The following FAM20A variants were observed in gnomAD, a reference collection of about 807,000 sequenced individuals.
The protein encoded by FAM20A is pseudokinase FAM20A.
Under a neutral mutation model 52.0 loss-of-function variants are expected in FAM20A, and 42 were observed. The observed-to-expected ratio is 0.81, with a 90% CI of 0.63 to 1.04. FAM20A has a LOEUF of 1.04. Ranked by LOEUF, FAM20A falls within the 50% of genes least tolerant of loss-of-function variation. The pLI, the probability that FAM20A is intolerant of heterozygous loss-of-function variation, is 0.00. For synonymous variants in FAM20A, 304 were observed against 298.9 expected, an observed-to-expected ratio of 1.02 and a Z score of -0.18; for missense variants, 742 against 712.7, an observed-to-expected ratio of 1.04 and a Z score of -0.47.
At chr17:68,539,199 A>C (rs948313159) in intron 10 of FAM20A, 138 bp downstream of exon 10, 2 of 768,152 alleles carry the variant, frequency 2.6e-6, no homozygotes, top group Non-Finnish European at 4.5e-6. Flanking sequence ...AATGTGTAGG[A>C]AATAAGGTGA....
rs1399347695 is a variant in FAM20A at position 68,540,563 on chromosome 17, T to C, written c.1219+286A>G. The C allele has an allele frequency of 5.6e-6, 3 of 532,270 alleles. No homozygotes were observed. The African/African-American group carries it at 5.7e-5, about 10-fold the overall frequency. The allele number at this position is 532,270 out of a possible 1,614,324, so 33.0% of individuals were successfully genotyped here. On this transcript the variant is annotated intron_variant, in intron 8 of 10. Transcript: ENST00000592554. ...CCTTCCTACCTGGTTTCCCCTCACT[T>C]GGTGAAGTGAACATACAGCTTCCAA...
At chr17:68,564,134 CAT>C (rs1208468052) in intron 1 of FAM20A, among the ~76,000 whole-genome samples, 1 of 134,474 alleles carries the variant, frequency 7.4e-6, no homozygotes, top group African/African-American at 3.1e-5. Context: ...CACGATGTCT[CAT>C]GTGATCCTGC....
chr17:68,544,079 AG>A (rs1372012355), intron 4 of FAM20A, among the ~76,000 whole-genome samples: 1 of 152,222 alleles, frequency 6.6e-6, no homozygotes, highest in African/African-American at 2.4e-5. Context: ...AATGGTTAGC[AG>A]AACCAGAGGT....
At chr17:68,581,350 T>TTTTTTCTC (rs1347976030) in intron 1 of FAM20A, among the ~76,000 whole-genome samples, 4 of 92,218 alleles carry the variant, frequency 4.3e-5, no homozygotes, top group African/African-American at 1.9e-4. Flanking sequence ...GAAATGCAGT[T>TTTTTTCTC]TTTCTTTCTT....
At chr17:68,566,478 G>A (rs2087380660) in intron 1 of FAM20A, among the ~76,000 whole-genome samples, 1 of 152,144 alleles carries the variant, frequency 6.6e-6, no homozygotes, top group South Asian at 2.1e-4. Context: ...TATAATCCAA[G>A]ACAAATATGG....
intron 9 of FAM20A, 127 bp from the exon 10 acceptor site, chr17:68,539,523 G>T: frequency 1.2e-6 from 1 of 808,038 alleles, no homozygotes; most frequent in Non-Finnish European, 2.1e-6. Context: ...CATGGCAGCT[G>T]CCTCTCCAGC....
chr17:68,588,056 C>G (rs1223716641), intron 1 of FAM20A, among the ~76,000 whole-genome samples: 1 of 151,758 alleles, frequency 6.6e-6, no homozygotes, highest in Non-Finnish European at 1.5e-5. Flanking sequence ...GCATCTGCAG[C>G]CTTGGTAGGA....
In FAM20A at chr17:68,535,393, G is replaced by A. The variant is rs1330988517; in HGVS notation, c.*2084C>T. ...ATTGGAAAACCAGTCCTTCGTTATA[G>A]GAGGTGGCGGGTTTTGAGGTAGAGC... On this transcript the variant is annotated 3_prime_UTR_variant, in exon 11 of 11. Transcript: ENST00000592554. 1 of 454,148 alleles carries A rather than the reference G, an allele frequency of 2.2e-6. No homozygotes were observed. Among genetic ancestry groups the A allele is most frequent in the Admixed American group, 2.3e-5 (1 of 42,582 alleles). 28.1% of individuals were successfully genotyped at this position (454,148 alleles called of 1,614,324 possible). A position where few individuals can be genotyped will look rare whatever the true frequency, so the allele number is the denominator to read the frequency against.
intron 5 of FAM20A, 26 bp from the exon 6 acceptor site, chr17:68,542,835 T>C: frequency 1.9e-6 from 3 of 1,554,358 alleles, no homozygotes; most frequent in Non-Finnish European, 2.7e-6. Context: ...CTCTGTTCCA[T>C]CTGAGGGATG....
At chr17:68,538,086 G>A (rs545692604) in intron 10 of FAM20A, among the ~76,000 whole-genome samples, 1 of 152,338 alleles carries the variant, frequency 6.6e-6, no homozygotes, top group South Asian at 2.1e-4. Flanking sequence ...GCTAATGGGA[G>A]AAGTTTCTAG....
chr17:68,555,652 G>T lies in FAM20A; in HGVS notation c.496C>A (p.Leu166Met), dbSNP rs1414875198. The T allele has an allele frequency of 6.2e-7, 1 of 1,613,730 alleles. No homozygotes were observed. Among genetic ancestry groups the T allele is most frequent in the Non-Finnish European group, 8.5e-7 (1 of 1,180,044 alleles). The change falls in exon 2 of 11, where the codon CTG (leucine) becomes ATG (methionine). Residue 166 changes from leucine to methionine, a missense_variant. By Grantham distance (15) the Leu-to-Met change is conservative. Coordinates refer to ENST00000592554, the MANE Select transcript of FAM20A (RefSeq NM_017565.4). ...TAGAGCCCATGGCGGTTAATACCCA[G>T]GTGGAACTGGACCCAGCTGGCCTCG... is the stretch of plus-strand genomic sequence containing the variant. ...RLEASWVQFH[L>M]GINRHGLYSR...
At chr17:68,549,630 C>T (rs142778155) in intron 4 of FAM20A, among the ~76,000 whole-genome samples, 167 of 152,228 alleles carry the variant, frequency 1.1e-3, no homozygotes, top group Admixed American at 9.0e-3. Flanking sequence ...TTAACATCTC[C>T]TGTTTCTCTA....
At chr17:68,578,560 C>T (rs925485328) in intron 1 of FAM20A, among the ~76,000 whole-genome samples, 17 of 152,058 alleles carry the variant, frequency 1.1e-4, no homozygotes, top group Admixed American at 5.2e-4. Flanking sequence ...TTTGTTCTTC[C>T]GGAATTTTAC....
chr17:68,575,453 T>A (rs1160394567), intron 1 of FAM20A, among the ~76,000 whole-genome samples: 38 of 101,544 alleles, frequency 3.7e-4, no homozygotes, highest in South Asian at 1.4e-3. Context: ...ATTATATATT[T>A]TATATATTAT....
rs773669248 is a variant in FAM20A at position 68,535,676 on chromosome 17, T to A, written c.*1801A>T. ...GAGTTGATTTAAAAAAAAATTTTTT[T>A]TTTTTTGTATTTTTTTGTAGAGACA... On this transcript the variant is annotated 3_prime_UTR_variant, in exon 11 of 11. Transcript: ENST00000592554. 1.3e-5 allele frequency: 6 copies of A among 447,164 alleles called. No homozygotes were observed. The highest frequency in any genetic ancestry group is 9.6e-5 in the South Asian group (6 of 62,562). The allele number at this position is 447,164 out of a possible 1,614,324, so 27.7% of individuals were successfully genotyped here. A position where few individuals can be genotyped will look rare whatever the true frequency, so the allele number is the denominator to read the frequency against.
intron 1 of FAM20A, among the ~76,000 whole-genome samples, chr17:68,581,474 C>CT (rs1375030510): frequency 9.7e-6 from 1 of 103,074 alleles, no homozygotes; most frequent in African/African-American, 3.5e-5. Context: ...TTCTTTCTTT[C>CT]TTTCTTTCTT....
intron 1 of FAM20A, among the ~76,000 whole-genome samples, chr17:68,561,280 C>T (rs1445336674): frequency 6.6e-6 from 1 of 152,156 alleles, no homozygotes; most frequent in Non-Finnish European, 1.5e-5. Flanking sequence ...CATTTTTTTC[C>T]ATTTAAATAT....
Position 68,551,862 on chromosome 17 carries a change from C to T in FAM20A, c.719+11G>A, listed in dbSNP as rs781123630. The stretch of plus-strand genomic sequence containing the variant: ...CAACTGGGTGTGGAAAGGAGGAAGG[C>T]AGTCACTTACCTCATGGGTTTGAAC... On this transcript the variant is annotated intron_variant, in intron 4 of 10. Coordinates refer to ENST00000592554, the MANE Select transcript of FAM20A (RefSeq NM_017565.4). The T allele has an allele frequency of 4.5e-6, 7 of 1,566,112 alleles. No homozygotes were observed. The highest frequency in any genetic ancestry group is 8.7e-7 in the Non-Finnish European group (1 of 1,152,458).
intron 1 of FAM20A, among the ~76,000 whole-genome samples, chr17:68,564,447 C>T (rs185717046): frequency 6.6e-6 from 1 of 152,290 alleles, no homozygotes; most frequent in East Asian, 1.9e-4. Flanking sequence ...CCAGAAACAA[C>T]CAGCTTTGCA....
Sources: gnomAD v4.1 joint callset for allele counts (sites outside exome capture counted in the v4.1 genomes callset) on GRCh38, gnomAD v4.1.1 for gene constraint, MANE v1.5 for transcripts, NCBI Gene and HGNC (gene_info 2026-07-23, HGNC 2026-07-21) for gene names.